The following DCC variants were observed in gnomAD, a reference collection of about 807,000 sequenced individuals.
The protein encoded by DCC is DCC netrin 1 receptor.
DCC carries 58 observed loss-of-function variants against 172.5 expected under a neutral mutation model. The ratio of observed to expected loss-of-function variants is 0.34; its 90% CI spans 0.27 to 0.42. The LOEUF is 0.42. Ranked by LOEUF, DCC falls within the 10% of genes least tolerant of loss-of-function variation. DCC has a pLI of 1.00. For synonymous variants in DCC, 709 were observed against 644.5 expected, an observed-to-expected ratio of 1.10 and a Z score of -1.52; for missense variants, 1,740 against 1,791.0, an observed-to-expected ratio of 0.97 and a Z score of 0.51.
intron 17 of DCC, among the ~76,000 whole-genome samples, chr18:53,396,985 A>G (rs1460312402): frequency 2.0e-5 from 3 of 152,024 alleles, no homozygotes; most frequent in Non-Finnish European, 1.5e-5. Context: ...TATAAGAGGC[A>G]TAGTCTCATA....
chr18:53,363,900 A>G (rs571089772), intron 15 of DCC, among the ~76,000 whole-genome samples: 41 of 152,304 alleles, frequency 2.7e-4, no homozygotes, highest in African/African-American at 9.4e-4. Flanking sequence ...TTTGAATATT[A>G]CTATCCATGA....
At chr18:53,222,172 T>G (rs180792877) in intron 12 of DCC, among the ~76,000 whole-genome samples, 104 of 152,206 alleles carry the variant, frequency 6.8e-4, no homozygotes, top group African/African-American at 2.3e-3. Context: ...AATAAAATAG[T>G]AAATTATTGG....
intron 1 of DCC, among the ~76,000 whole-genome samples, chr18:52,462,274 C>T (rs942691539): frequency 2.6e-5 from 4 of 152,158 alleles, no homozygotes; most frequent in African/African-American, 4.8e-5. Flanking sequence ...AACATTTACA[C>T]GAGGTCCCAG....
intron 1 of DCC, among the ~76,000 whole-genome samples, chr18:52,440,653 G>A (rs1568171739): frequency 6.6e-6 from 1 of 152,052 alleles, no homozygotes. Context: ...ATAGCATGTG[G>A]TCTCTTGACA....
chr18:53,079,851 G>T (rs1270846129), intron 7 of DCC, among the ~76,000 whole-genome samples: 1 of 152,160 alleles, frequency 6.6e-6, no homozygotes, highest in Non-Finnish European at 1.5e-5. Context: ...AGAAGCAAAA[G>T]TATGTATTCA....
intron 14 of DCC, among the ~76,000 whole-genome samples, chr18:53,333,337 T>C (rs1252982761): frequency 6.6e-6 from 1 of 152,208 alleles, no homozygotes; most frequent in Non-Finnish European, 1.5e-5. Context: ...TGTAGTTTGC[T>C]GTAAAGAAAT....
At chr18:52,581,086 A>G (rs2033534633) in intron 1 of DCC, among the ~76,000 whole-genome samples, 1 of 152,190 alleles carries the variant, frequency 6.6e-6, no homozygotes, top group Admixed American at 6.5e-5. Context: ...TTAGCCATCA[A>G]TTATAACTTA....
At chr18:53,274,697 T>C (rs2056786865) in intron 12 of DCC, among the ~76,000 whole-genome samples, 1 of 152,184 alleles carries the variant, frequency 6.6e-6, no homozygotes, top group Non-Finnish European at 1.5e-5. Flanking sequence ...CAGATGGGTT[T>C]ATTTCTTGGT....
chr18:52,853,580 C>T (rs1473252254), intron 2 of DCC, among the ~76,000 whole-genome samples: 3 of 152,158 alleles, frequency 2.0e-5, no homozygotes, highest in Admixed American at 2.0e-4. Flanking sequence ...TCCAATGATG[C>T]TGTCACGATT....
At chr18:53,397,042 C>A (rs1342059997) in intron 17 of DCC, among the ~76,000 whole-genome samples, 1 of 151,458 alleles carries the variant, frequency 6.6e-6, no homozygotes, top group East Asian at 1.9e-4. Context: ...GACCTTTCAA[C>A]ATATCTTACC....
intron 21 of DCC, among the ~76,000 whole-genome samples, chr18:53,422,723 T>C (rs1334130828): frequency 6.6e-6 from 1 of 152,168 alleles, no homozygotes; most frequent in Non-Finnish European, 1.5e-5. Flanking sequence ...TGGAATTTAG[T>C]TAATGTAATC....
rs552536370 is a variant in DCC at position 52,725,099 on chromosome 18, G to A, written c.92-26955G>A. On this transcript the variant is annotated intron_variant, in intron 1 of 28. Coordinates refer to ENST00000442544, the MANE Select transcript of DCC (RefSeq NM_005215.4). Reference sequence around the variant, plus strand: ...CACTAGGCCACAAAAATCAGAGTCTGTCATGATTGATTGATCAAGAAATAC... The same window carrying A: ...CACTAGGCCACAAAAATCAGAGTCTATCATGATTGATTGATCAAGAAATAC... Among the ~76,000 whole-genome samples, 14 of 152,288 alleles carry A rather than the reference G, an allele frequency of 9.2e-5. No homozygotes were observed. The East Asian group carries it at 2.3e-3, about 25-fold the overall frequency.
chr18:52,452,597 G>A (rs1029511735), intron 1 of DCC, among the ~76,000 whole-genome samples: 8 of 152,196 alleles, frequency 5.3e-5, no homozygotes, highest in Admixed American at 3.3e-4. Context: ...ATGGGTGAAC[G>A]TGAGCTGCCG....
At chr18:53,447,226 CAA>C (rs1007605429) in intron 22 of DCC, among the ~76,000 whole-genome samples, 6 of 152,314 alleles carry the variant, frequency 3.9e-5, no homozygotes, top group Non-Finnish European at 8.8e-5. Context: ...CTGCAAATAA[CAA>C]GAATTGACTG....
chr18:52,675,911 T>C (rs1235407027), intron 1 of DCC, among the ~76,000 whole-genome samples: 1 of 152,248 alleles, frequency 6.6e-6, no homozygotes, highest in African/African-American at 2.4e-5. Context: ...CTGCCTCCCA[T>C]TTCCAGCTCT....
intron 3 of DCC, among the ~76,000 whole-genome samples, chr18:52,912,220 G>A (rs2039980617): frequency 6.6e-6 from 1 of 151,946 alleles, no homozygotes; most frequent in African/African-American, 2.4e-5. Flanking sequence ...ATAAAATGTC[G>A]CAAGTAATAC....
At chr18:53,292,439 C>A (rs756987685) in intron 12 of DCC, among the ~76,000 whole-genome samples, 1 of 152,188 alleles carries the variant, frequency 6.6e-6, no homozygotes, top group Admixed American at 6.5e-5. Flanking sequence ...GTAATCCCAG[C>A]ACTTTGGGAG....
intron 1 of DCC, among the ~76,000 whole-genome samples, chr18:52,703,671 C>T (rs1465094626): frequency 6.6e-6 from 1 of 152,060 alleles, no homozygotes; most frequent in Non-Finnish European, 1.5e-5. Flanking sequence ...CACACTGCTT[C>T]CTCTATTATC....
intron 14 of DCC, among the ~76,000 whole-genome samples, chr18:53,322,382 A>T (rs773257066): frequency 6.6e-6 from 1 of 152,210 alleles, no homozygotes; most frequent in South Asian, 2.1e-4. Context: ...TGCAATAATC[A>T]TGGTCCTCAA....
Sources: allele counts gnomAD v4.1 joint callset (sites outside exome capture counted in the v4.1 genomes callset), GRCh38; gene constraint gnomAD v4.1.1; transcripts MANE v1.5; gene names NCBI Gene and HGNC (gene_info 2026-07-23, HGNC 2026-07-21).